STK32B: variants seen among roughly 807,000 people sequenced by gnomAD.
STK32B encodes the protein serine/threonine kinase 32B, also known as serine/threonine-protein kinase 32B.
Under a neutral mutation model 52.6 loss-of-function variants are expected in STK32B, and 43 were observed. The observed-to-expected ratio is 0.82, with a 90% CI of 0.64 to 1.05. The LOEUF is 1.05. Ranked by LOEUF, STK32B falls within the 50% of genes least tolerant of loss-of-function variation. The probability of loss-of-function intolerance (pLI) is 0.00; values close to 1 mark genes in which losing one functional copy is unlikely to be tolerated. For missense variants in STK32B, 621 were observed against 534.6 expected, an observed-to-expected ratio of 1.16 and a Z score of -1.59; for synonymous variants, 238 against 204.3, an observed-to-expected ratio of 1.17 and a Z score of -1.41.
intron 6 of STK32B, among the ~76,000 whole-genome samples, chr4:5,432,696 T>A (rs1050667617): frequency 6.6e-6 from 1 of 152,206 alleles, no homozygotes; most frequent in African/African-American, 2.4e-5. Flanking sequence ...GCCTGGGGCC[T>A]GTTTTTAGGA....
chr4:5,456,896 C>T lies in STK32B; in HGVS notation c.756C>T (p.Cys252=). Residue 252 remains cysteine (C), a synonymous_variant, in exon 8 of 12, where the codon TGC becomes TGT. Transcript: ENST00000282908. ...GTGTCCACTACTCCTCCACGTGGTGCAAGGGGATGGTGGCCCTGCTGAGGA... is the reference window on the plus strand; with the variant it reads ...GTGTCCACTACTCCTCCACGTGGTGTAAGGGGATGGTGGCCCTGCTGAGGA... The part of the protein sequence containing the change: ...VERVHYSSTW[C]KGMVALLRKL... 1 of 1,582,256 alleles carries T rather than the reference C, an allele frequency of 6.3e-7. No homozygotes were observed. The highest frequency in any genetic ancestry group is 8.6e-7 in the Non-Finnish European group (1 of 1,162,784).
In STK32B at chr4:5,140,205, A is replaced by G. The variant is rs759464936; in HGVS notation, c.108+245A>G. 8 of 1,493,508 alleles carry G rather than the reference A, an allele frequency of 5.4e-6. No individual in the cohort carries two copies. In the Admixed American group the frequency reaches 1.0e-4, roughly 19 times the overall value. The allele number at this position is 1,493,508 out of a possible 1,614,324, so 92.5% of individuals were successfully genotyped here. On this transcript the variant is annotated intron_variant, in intron 2 of 11. Coordinates refer to ENST00000282908, the MANE Select transcript of STK32B (RefSeq NM_018401.3). ...AATGGTATTTATTTCAGGATTGCCA[A>G]TGCCGTTTGTTCCTTGAGAATCTAA... is the stretch of plus-strand genomic sequence containing the variant.
At chr4:5,063,665 T>C (rs1742302659) in intron 1 of STK32B, among the ~76,000 whole-genome samples, 1 of 152,232 alleles carries the variant, frequency 6.6e-6, no homozygotes, top group Admixed American at 6.5e-5. Flanking sequence ...ATTATTGAGA[T>C]ATTTTACATT....
chr4:5,231,021 G>A (rs550690235), intron 3 of STK32B, among the ~76,000 whole-genome samples: 3 of 152,330 alleles, frequency 2.0e-5, no homozygotes, highest in African/African-American at 7.2e-5. Flanking sequence ...ACCTGCAGAC[G>A]TAGGTATGGC....
At chr4:5,166,372 T>G (rs1476133971) in intron 2 of STK32B, among the ~76,000 whole-genome samples, 1 of 151,442 alleles carries the variant, frequency 6.6e-6, no homozygotes, top group Non-Finnish European at 1.5e-5. Context: ...TTGTCCTTGA[T>G]GGAACGGTGT....
At chr4:5,101,739 A>G (rs2108794568) in intron 1 of STK32B, among the ~76,000 whole-genome samples, 1 of 152,328 alleles carries the variant, frequency 6.6e-6, no homozygotes, top group African/African-American at 2.4e-5. Flanking sequence ...TGTGATGACA[A>G]AACCGCAACC....
chr4:5,135,640 A>T (rs1716028742), intron 1 of STK32B, among the ~76,000 whole-genome samples: 1 of 152,188 alleles, frequency 6.6e-6, no homozygotes, highest in South Asian at 2.1e-4. Context: ...GCTCACAGGA[A>T]GGAGTGGCTT....
At chr4:5,172,985 G>A (rs1719515722) in intron 3 of STK32B, among the ~76,000 whole-genome samples, 1 of 152,182 alleles carries the variant, frequency 6.6e-6, no homozygotes, top group South Asian at 2.1e-4. Context: ...CTCAATTTCA[G>A]ATCCTGTTAT....
chr4:5,272,622 G>A (rs985570514), intron 3 of STK32B, among the ~76,000 whole-genome samples: 2 of 152,154 alleles, frequency 1.3e-5, no homozygotes. Context: ...AAAACAGCAT[G>A]GTGCTGGTAC....
chr4:5,439,542 A>G (rs1480228769), intron 6 of STK32B, among the ~76,000 whole-genome samples: 1 of 151,178 alleles, frequency 6.6e-6, no homozygotes, highest in Non-Finnish European at 1.5e-5. Flanking sequence ...TTTTTCTCCC[A>G]TTTTGTAGGT....
chr4:5,473,255 C>T (rs1285897839), intron 11 of STK32B, among the ~76,000 whole-genome samples: 1 of 152,106 alleles, frequency 6.6e-6, no homozygotes, highest in Non-Finnish European at 1.5e-5. Context: ...GGAGCAAGGC[C>T]CCTGCTCTCA....
chr4:5,297,995 T>C (rs1729315989), intron 3 of STK32B, among the ~76,000 whole-genome samples: 1 of 152,220 alleles, frequency 6.6e-6, no homozygotes, highest in African/African-American at 2.4e-5. Flanking sequence ...TTGATGTCAA[T>C]GCTATTGCTT....
chr4:5,251,176 C>T (rs1725902461), intron 3 of STK32B, among the ~76,000 whole-genome samples: 2 of 151,982 alleles, frequency 1.3e-5, no homozygotes, highest in African/African-American at 4.8e-5. Context: ...TCTTCAAGGG[C>T]TTTTATAGTT....
chr4:5,137,902 A>G (rs1310795609), intron 1 of STK32B, among the ~76,000 whole-genome samples: 1 of 151,106 alleles, frequency 6.6e-6, no homozygotes, highest in Non-Finnish European at 1.5e-5. Flanking sequence ...GGGAAACAGC[A>G]GCATGAAGAT....
At chr4:5,468,761 C>T (rs922959997) in intron 11 of STK32B, among the ~76,000 whole-genome samples, 6 of 152,016 alleles carry the variant, frequency 3.9e-5, no homozygotes, top group African/African-American at 1.4e-4. Context: ...CGGTTCCAGC[C>T]AATGATAATA....
Position 5,359,301 on chromosome 4 carries a change from A to G in STK32B, c.434+27908A>G, listed in dbSNP as rs183114803. Among the ~76,000 whole-genome samples the G allele has an allele frequency of 5.3e-5, 8 of 152,072 alleles. No individual in the cohort carries two copies. The East Asian group carries it at 1.4e-3, about 26-fold the overall frequency. Reference sequence around the variant, plus strand: ...TGTGCAGTCTTGGAAAAGCTGAGCTATTCATTCATCCACTCACTCATCTAC... The same window carrying G: ...TGTGCAGTCTTGGAAAAGCTGAGCTGTTCATTCATCCACTCACTCATCTAC... On this transcript the variant is annotated intron_variant, in intron 4 of 11. Transcript: ENST00000282908.
chr4:5,162,590 A>G (rs1340798865), intron 2 of STK32B, among the ~76,000 whole-genome samples: 1 of 152,154 alleles, frequency 6.6e-6, no homozygotes, highest in Non-Finnish European at 1.5e-5. Context: ...TTGTCCCATT[A>G]AGTTGTAATT....
intron 5 of STK32B, among the ~76,000 whole-genome samples, chr4:5,402,053 C>T (rs903016013): frequency 1.3e-5 from 2 of 152,252 alleles, no homozygotes; most frequent in Non-Finnish European, 2.9e-5. Flanking sequence ...CCTGCAAGTT[C>T]ATCTGCATGG....
At chr4:5,363,013 C>A (rs997385611) in intron 4 of STK32B, among the ~76,000 whole-genome samples, 4 of 152,176 alleles carry the variant, frequency 2.6e-5, no homozygotes, top group African/African-American at 9.7e-5. Context: ...CATTGGAGAT[C>A]TCAGTGCTTT....
Sources: gnomAD v4.1 joint callset for allele counts (sites outside exome capture counted in the v4.1 genomes callset) on GRCh38, gnomAD v4.1.1 for gene constraint, MANE v1.5 for transcripts, NCBI Gene and HGNC (gene_info 2026-07-23, HGNC 2026-07-21) for gene names.